The following RALGPS1 variants were observed in gnomAD, a reference collection of about 807,000 sequenced individuals.
RALGPS1 encodes ras-specific guanine nucleotide-releasing factor RalGPS1.
A neutral mutation model predicts 78.8 loss-of-function variants in RALGPS1; 19 were observed. That is an observed-to-expected ratio of 0.24 (90% CI 0.17 to 0.35). The LOEUF is 0.35. Among genes scored for constraint, RALGPS1 ranks in the 10% least tolerant of loss-of-function variants. RALGPS1 has a pLI of 1.00. For synonymous variants in RALGPS1, 228 were observed against 256.3 expected, an observed-to-expected ratio of 0.89 and a Z score of 1.06; for missense variants, 454 against 688.3, an observed-to-expected ratio of 0.66 and a Z score of 3.81.
At chr9:127,159,658 C>T (rs959746952) in intron 8 of RALGPS1, among the ~76,000 whole-genome samples, 1 of 152,182 alleles carries the variant, frequency 6.6e-6, no homozygotes, top group African/African-American at 2.4e-5. Context: ...CAGTCTTCCC[C>T]ATCTTCTCAG....
intron 5 of RALGPS1, among the ~76,000 whole-genome samples, chr9:127,041,158 C>G (rs1208490238): frequency 1.1e-4 from 16 of 151,914 alleles, no homozygotes. Flanking sequence ...GTGGCGTGAT[C>G]TCAGATCACT....
chr9:127,141,135 T>C (rs895962144), intron 8 of RALGPS1, among the ~76,000 whole-genome samples: 1 of 152,076 alleles, frequency 6.6e-6, no homozygotes, highest in African/African-American at 2.4e-5. Context: ...GCTGGGCAGC[T>C]GGTGCAGCAT....
chr9:127,193,411 G>C (rs1318144068), intron 11 of RALGPS1, among the ~76,000 whole-genome samples: 1 of 152,202 alleles, frequency 6.6e-6, no homozygotes, highest in South Asian at 2.1e-4. Context: ...AAAGGGATTG[G>C]TGGGGGCGGA....
At chr9:127,050,610 A>T (rs527375664) in intron 6 of RALGPS1, among the ~76,000 whole-genome samples, 59 of 151,990 alleles carry the variant, frequency 3.9e-4, no homozygotes, top group African/African-American at 1.4e-3. Flanking sequence ...GGGCCAGATG[A>T]CTCTGCAGCC....
intron 1 of RALGPS1, among the ~76,000 whole-genome samples, chr9:126,953,026 A>T (rs1184648155): frequency 6.6e-6 from 1 of 152,138 alleles, no homozygotes; most frequent in Non-Finnish European, 1.5e-5. Context: ...CAACCTCCTT[A>T]AGCTGGAAAA....
At chr9:127,051,576 C>G (rs529645337) in intron 6 of RALGPS1, among the ~76,000 whole-genome samples, 1 of 152,328 alleles carries the variant, frequency 6.6e-6, no homozygotes, top group East Asian at 1.9e-4. Context: ...AGAATCTATT[C>G]TTACACACAG....
chr9:127,064,166 C>T (rs899554110), intron 7 of RALGPS1, among the ~76,000 whole-genome samples: 7 of 152,184 alleles, frequency 4.6e-5, no homozygotes, highest in Admixed American at 3.9e-4. Context: ...GTGAAATGTT[C>T]TTTAACCTTA....
At position 127,212,641 on chromosome 9, in the gene RALGPS1, C is replaced by G; in HGVS notation, c.1368C>G (p.Thr456=). The G allele has an allele frequency of 6.2e-7, 1 of 1,611,114 alleles. No individual in the cohort carries two copies. The highest frequency in any genetic ancestry group is 2.2e-5 in the East Asian group (1 of 44,864). ...TTCCTCTGTAGCTGTCCTCGTGGAC[C>G]AGGTACTGGGTCATACTCTCAGGAT... ...EGRKPALSSW[T]RYWVILSGST... Residue 456 remains threonine (T), a synonymous_variant, in exon 16 of 19, where the codon ACC becomes ACG. Transcript: ENST00000259351. This position sits in a 1 kb window ranked among gnomAD's most constrained non-coding sequence, Gnocchi z 6.0.
chr9:127,168,024 T>TG (rs1386163448), intron 9 of RALGPS1, among the ~76,000 whole-genome samples: 1 of 152,234 alleles, frequency 6.6e-6, no homozygotes, highest in East Asian at 1.9e-4. Context: ...TTGCCACAGT[T>TG]TCTTCCTCTG....
At chr9:127,196,287 C>G (rs2061343972) in intron 12 of RALGPS1, among the ~76,000 whole-genome samples, 187 bp from the exon 13 acceptor site, 1 of 152,200 alleles carries the variant, frequency 6.6e-6, no homozygotes. Flanking sequence ...GAAACTGAGG[C>G]TCAGAGAAAG....
In RALGPS1 at chr9:127,183,468, GGTCCACAGGA is replaced by G; in HGVS notation, c.910+8688_910+8697del. Among the ~76,000 whole-genome samples the G allele has an allele frequency of 1.3e-5, 2 of 152,082 alleles. No individual in the cohort carries two copies. Among genetic ancestry groups the G allele is most frequent in the African/African-American group, 4.8e-5 (2 of 41,390 alleles). On this transcript the variant is annotated intron_variant, in intron 11 of 18. Transcript: ENST00000259351. This position sits in a 1 kb window ranked among gnomAD's most constrained non-coding sequence, Gnocchi z 4.0. The stretch of plus-strand genomic sequence containing the variant: ...CAGCTTTCCTCACATGGGCCACCTC[GGTCCACAGGA>G]GGCCGTACCTGTCCTCATTCTAACA...
chr9:127,030,662 G>A (rs1011570997), intron 4 of RALGPS1, among the ~76,000 whole-genome samples: 3 of 151,946 alleles, frequency 2.0e-5, no homozygotes, highest in Admixed American at 2.0e-4. Flanking sequence ...AATATTAATG[G>A]GAGAAGCTTA....
intron 5 of RALGPS1, among the ~76,000 whole-genome samples, chr9:127,037,011 T>C (rs150044869): frequency 2.6e-4 from 39 of 152,358 alleles, no homozygotes; most frequent in African/African-American, 8.2e-4. Context: ...CAACAACTTA[T>C]TAGCTGTATG....
chr9:126,921,395 A>G (rs958409191), intron 1 of RALGPS1, among the ~76,000 whole-genome samples: 6 of 152,160 alleles, frequency 3.9e-5, no homozygotes, highest in African/African-American at 1.2e-4. Context: ...CATCATTGTG[A>G]ACACCTTTTC....
chr9:126,923,782 G>A (rs540481524), intron 1 of RALGPS1, among the ~76,000 whole-genome samples: 1 of 152,290 alleles, frequency 6.6e-6, no homozygotes, highest in South Asian at 2.1e-4. Flanking sequence ...CGATCCTCCT[G>A]CCTCAGCCTC....
chr9:126,922,435 C>G (rs904574994), intron 1 of RALGPS1, among the ~76,000 whole-genome samples: 1 of 152,148 alleles, frequency 6.6e-6, no homozygotes, highest in African/African-American at 2.4e-5. Flanking sequence ...AGCCTGATAA[C>G]TAGGGCAAGG....
At chr9:127,120,949 T>C (rs1296867307) in intron 8 of RALGPS1, among the ~76,000 whole-genome samples, 1 of 152,042 alleles carries the variant, frequency 6.6e-6, no homozygotes, top group African/African-American at 2.4e-5. Context: ...CACCAGGCAC[T>C]AAGCCAAGGC....
chr9:127,125,281 C>T (rs921709826), intron 8 of RALGPS1, among the ~76,000 whole-genome samples: 2 of 152,168 alleles, frequency 1.3e-5, no homozygotes, highest in Non-Finnish European at 2.9e-5. Flanking sequence ...TCCCCTGAGG[C>T]AGGGGTGTGT....
Position 126,998,212 on chromosome 9 carries a change from C to G in RALGPS1, c.216+20467C>G, listed in dbSNP as rs531746511. On this transcript the variant is annotated intron_variant, in intron 4 of 18. Coordinates refer to ENST00000259351, the MANE Select transcript of RALGPS1 (RefSeq NM_014636.3). ...AAGAGCTTCTGCACAGCAAAAGAAA[C>G]TACCATCAGAGTGAACAGGCAACCT... is the stretch of plus-strand genomic sequence containing the variant. Among the ~76,000 whole-genome samples the G allele has an allele frequency of 2.6e-4, 39 of 152,250 alleles. No individual in the cohort carries two copies. In the South Asian group the frequency reaches 7.5e-3, roughly 29 times the overall value.
Sources: allele counts gnomAD v4.1 joint callset (sites outside exome capture counted in the v4.1 genomes callset), GRCh38; gene constraint gnomAD v4.1.1; non-coding constraint Gnocchi (gnomAD v3.1); transcripts MANE v1.5; gene names NCBI Gene and HGNC (gene_info 2026-07-23, HGNC 2026-07-21).